The following FAM135A variants were observed in gnomAD, a reference collection of about 807,000 sequenced individuals.
FAM135A encodes the protein family with sequence similarity 135 member A.
In FAM135A, 79 loss-of-function variants were observed where a neutral mutation model predicts 146.8. The ratio of observed to expected loss-of-function variants is 0.54; its 90% confidence interval spans 0.45 to 0.65. FAM135A has a LOEUF of 0.65. FAM135A is among the 30% of genes least tolerant of loss of function. The pLI, the probability that FAM135A is intolerant of heterozygous loss-of-function variation, is 0.00. For synonymous variants in FAM135A, 562 were observed against 603.6 expected (o/e 0.93, Z 1.01); for missense variants, 1,623 against 1,758.2 (o/e 0.92, Z 1.38).
intron 20 of FAM135A, among the ~76,000 whole-genome samples, chr6:70,545,093 GAGTATTATAGATTAC>G (rs1798617265): frequency 1.3e-5 from 2 of 151,262 alleles, no homozygotes; most frequent in South Asian, 2.1e-4. Context: ...AAAAAACCAC[GAGTATTATAGATTAC>G]AGAAATTGAC....
chr6:70,516,591 AG>A (rs1270080417), intron 12 of FAM135A, among the ~76,000 whole-genome samples: 2 of 129,694 alleles, frequency 1.5e-5, no homozygotes, highest in African/African-American at 3.1e-5. Flanking sequence ...GCTGGAGTGC[AG>A]TGGCGTGACC....
intron 12 of FAM135A, among the ~76,000 whole-genome samples, chr6:70,511,471 C>T (rs1375157364): frequency 6.6e-6 from 1 of 151,738 alleles, no homozygotes; most frequent in Non-Finnish European, 1.5e-5. Context: ...GGAAAAAATC[C>T]ACATGGTAAG....
At chr6:70,430,519 A>T (rs1258080466) in intron 4 of FAM135A, among the ~76,000 whole-genome samples, 1 of 152,148 alleles carries the variant, frequency 6.6e-6, no homozygotes, top group East Asian at 1.9e-4. Flanking sequence ...ATGGCTGATA[A>T]GTTTATTCCA....
At chr6:70,498,461 G>A (rs866067681) in intron 11 of FAM135A, among the ~76,000 whole-genome samples, 28 of 151,756 alleles carry the variant, frequency 1.8e-4, no homozygotes, top group African/African-American at 5.8e-4. Flanking sequence ...AAGGTTTTTC[G>A]TGTCTCTATC....
At chr6:70,491,159 T>C in intron 11 of FAM135A, 76 bp downstream of exon 11, 1 of 1,253,448 alleles carries the variant, frequency 8.0e-7, no homozygotes, top group South Asian at 1.3e-5. Context: ...ATTTTGTCTA[T>C]GAAAACTTAA....
In FAM135A at chr6:70,431,854, TATAAA is replaced by T. The variant is rs1393850676; in HGVS notation, c.77+3439_77+3443del. 2.6e-5 allele frequency among the ~76,000 whole-genome samples: 4 copies of T among 152,262 alleles called. No homozygotes were observed. In the South Asian group the frequency reaches 6.2e-4, roughly 24 times the overall value. On this transcript the variant is annotated intron_variant, in intron 4 of 21. Transcript: ENST00000418814. ...TGATTATTTGGAAACCATTACTGTTTATAAAATAGTTTTCAAATATATGTAGTGTC... is the reference window on the plus strand; with the variant it reads ...TGATTATTTGGAAACCATTACTGTTTATAGTTTTCAAATATATGTAGTGTC...
In FAM135A at chr6:70,508,927, G is replaced by C. The variant is rs12189746; in HGVS notation, c.1029+6136G>C. On this transcript the variant is annotated intron_variant, in intron 12 of 21. Coordinates refer to ENST00000418814, the MANE Select transcript of FAM135A (RefSeq NM_001162529.3). ...TGAAGTATTAATATATCTTAGATAC[G>C]GAAAAGAATTCCTTGCTCAAGAAGA... Among the ~76,000 whole-genome samples the C allele has an allele frequency of 2.0e-3, 299 of 152,144 alleles. 2 individuals carry two copies. The highest frequency in any genetic ancestry group is 3.3e-3 in the Non-Finnish European group (221 of 67,990).
intron 1 of FAM135A, among the ~76,000 whole-genome samples, 160 bp from the exon 2 acceptor site, chr6:70,415,128 CAGA>C (rs1281104828): frequency 6.6e-6 from 1 of 152,098 alleles, no homozygotes; most frequent in African/African-American, 2.4e-5. Flanking sequence ...TTTAATTGAG[CAGA>C]AGAACTTTCT....
At chr6:70,521,598 T>C (rs1245819691) in intron 12 of FAM135A, among the ~76,000 whole-genome samples, 1 of 152,242 alleles carries the variant, frequency 6.6e-6, no homozygotes, top group East Asian at 1.9e-4. Flanking sequence ...AAAATAGGTC[T>C]CTAATTTGTT....
chr6:70,496,424 T>C (rs1481020022), intron 11 of FAM135A, among the ~76,000 whole-genome samples: 1 of 152,078 alleles, frequency 6.6e-6, no homozygotes, highest in Non-Finnish European at 1.5e-5. Flanking sequence ...GATGGATAGA[T>C]TGCAAAAATT....
At chr6:70,500,871 C>T (rs1788343329) in intron 11 of FAM135A, among the ~76,000 whole-genome samples, 1 of 152,176 alleles carries the variant, frequency 6.6e-6, no homozygotes, top group Admixed American at 6.5e-5. Context: ...CCCAGAGGGG[C>T]ACCATCCTGA....
intron 20 of FAM135A, among the ~76,000 whole-genome samples, chr6:70,547,518 C>T (rs1473934573): frequency 6.6e-6 from 1 of 152,110 alleles, no homozygotes; most frequent in Non-Finnish European, 1.5e-5. Context: ...CCACTAGATG[C>T]CAGTAGCACA....
At chr6:70,481,938 A>G in intron 9 of FAM135A, 63 bp from the exon 10 acceptor site, 6 of 1,453,284 alleles carry the variant, frequency 4.1e-6, no homozygotes, top group Non-Finnish European at 5.5e-6. Context: ...TTATTTTTCC[A>G]AGTTTCACAT....
Position 70,524,860 on chromosome 6 carries a change from T to C in FAM135A, c.1776T>C (p.Asn592=). The part of the protein sequence containing the change: ...RTEQKSPDIE[N]VQPDQFDPLN... ...AACAAAAGTCTCCAGATATTGAAAA[T>C]GTTCAACCAGACCAGTTTGATCCTT... Residue 592 remains asparagine (N), a synonymous_variant, in exon 15 of 22, where the codon AAT becomes AAC. Transcript: ENST00000418814. 1.9e-6 allele frequency: 3 copies of C among 1,605,420 alleles called. No individual in the cohort carries two copies. The highest frequency in any genetic ancestry group is 2.6e-6 in the Non-Finnish European group (3 of 1,175,548).
At chr6:70,439,184 C>A (rs968729938) in intron 4 of FAM135A, among the ~76,000 whole-genome samples, 4 of 152,160 alleles carry the variant, frequency 2.6e-5, no homozygotes, top group Non-Finnish European at 4.4e-5. Flanking sequence ...GATGGAAAAG[C>A]TATTAAGTTT....
intron 9 of FAM135A, 81 bp from the exon 10 acceptor site, chr6:70,481,920 T>C (rs1399647123): frequency 7.3e-6 from 10 of 1,377,134 alleles, no homozygotes; most frequent in Non-Finnish European, 8.8e-6. Flanking sequence ...TGGTTAAGTA[T>C]TTTTTCTTTA....
intron 11 of FAM135A, among the ~76,000 whole-genome samples, chr6:70,491,832 AT>A (rs1462457184): frequency 6.6e-6 from 1 of 151,936 alleles, no homozygotes; most frequent in Non-Finnish European, 1.5e-5. Context: ...AACATTAAAC[AT>A]TTAAAAATAA....
chr6:70,443,743 A>G (rs1024995363), intron 4 of FAM135A, among the ~76,000 whole-genome samples: 6 of 152,092 alleles, frequency 3.9e-5, no homozygotes, highest in African/African-American at 1.4e-4. Flanking sequence ...CTGTTTAATC[A>G]TACCTTTTTT....
chr6:70,491,164 A>G lies in FAM135A; in HGVS notation c.873+81A>G, dbSNP rs937761475. 4 of 1,187,478 alleles carry G rather than the reference A, an allele frequency of 3.4e-6. No individual in the cohort carries two copies. In the African/African-American group the frequency reaches 4.6e-5, roughly 14 times the overall value. The allele number at this position is 1,187,478 out of a possible 1,614,324, so 73.6% of individuals were successfully genotyped here. On this transcript the variant is annotated intron_variant, in intron 11 of 21. Coordinates refer to ENST00000418814, the MANE Select transcript of FAM135A (RefSeq NM_001162529.3). ...TATTCTAAATATTTTGTCTATGAAA[A>G]CTTAAAGTATTTATAGTTCCTAAAA...
Sources: allele counts gnomAD v4.1 joint callset (sites outside exome capture counted in the v4.1 genomes callset), GRCh38; gene constraint gnomAD v4.1.1; transcripts MANE v1.5; gene names NCBI Gene and HGNC (gene_info 2026-07-23, HGNC 2026-07-21).